Variants in CAMK1D observed in about 807,000 individuals in gnomAD.
The protein encoded by CAMK1D is calcium/calmodulin-dependent protein kinase type 1D.
In CAMK1D, 9 loss-of-function variants were observed where a neutral mutation model predicts 47.7. That is an observed-to-expected ratio of 0.19 (90% CI 0.11 to 0.33). The LOEUF (loss-of-function observed/expected upper bound fraction) is 0.33. Ranked by LOEUF, CAMK1D falls within the 10% of genes least tolerant of loss-of-function variation. The probability of loss-of-function intolerance (pLI) is 1.00; values close to 1 mark genes in which losing one functional copy is unlikely to be tolerated. For missense variants in CAMK1D, 291 were observed against 488.7 expected, an observed-to-expected ratio of 0.60 and a Z score of 3.81; for synonymous variants, 184 against 184.9, an observed-to-expected ratio of 0.99 and a Z score of 0.04.
At chr10:12,365,927 A>G (rs1230880758) in intron 1 of CAMK1D, among the ~76,000 whole-genome samples, 2 of 152,148 alleles carry the variant, frequency 1.3e-5, no homozygotes, top group Admixed American at 6.5e-5. Flanking sequence ...GTGGTGGCAC[A>G]TGCCTGTAAT....
At chr10:12,418,812 T>C (rs1027524045) in intron 1 of CAMK1D, among the ~76,000 whole-genome samples, 12 of 152,206 alleles carry the variant, frequency 7.9e-5, no homozygotes, top group African/African-American at 2.9e-4. Context: ...TTGCTGGGTG[T>C]GTCTGGGAGT....
intron 3 of CAMK1D, among the ~76,000 whole-genome samples, chr10:12,689,009 A>G (rs1832767781): frequency 6.6e-6 from 1 of 152,222 alleles, no homozygotes; most frequent in South Asian, 2.1e-4. Context: ...TGAGAAGGTG[A>G]TTCAGGCTTC....
chr10:12,411,832 G>C (rs1839668342), intron 1 of CAMK1D, among the ~76,000 whole-genome samples: 1 of 150,762 alleles, frequency 6.6e-6, no homozygotes, highest in African/African-American at 2.4e-5. Context: ...GACCTCAGGT[G>C]ATCCGCCCGC....
intron 10 of CAMK1D, chr10:12,826,034 G>A (rs932460051): frequency 8.0e-6 from 2 of 248,910 alleles, no homozygotes; most frequent in Non-Finnish European, 1.6e-5. Flanking sequence ...CTACTTGGGA[G>A]GCTGAGGCAG....
chr10:12,653,754 T>C (rs565884750), intron 2 of CAMK1D, among the ~76,000 whole-genome samples: 12 of 152,372 alleles, frequency 7.9e-5, no homozygotes, highest in Admixed American at 7.2e-4. Context: ...CATCTTTTTC[T>C]TTTACAATTG....
At chr10:12,489,600 C>T (rs924184358) in intron 1 of CAMK1D, among the ~76,000 whole-genome samples, 4 of 152,136 alleles carry the variant, frequency 2.6e-5, no homozygotes, top group South Asian at 2.1e-4. Context: ...GATGGAGCTT[C>T]GCTCGTTTTC....
intron 1 of CAMK1D, among the ~76,000 whole-genome samples, chr10:12,468,357 C>T (rs1486928231): frequency 6.6e-6 from 1 of 152,210 alleles, no homozygotes; most frequent in Non-Finnish European, 1.5e-5. Flanking sequence ...CCACTGAGCC[C>T]GGCCTCAAAT....
At chr10:12,630,636 C>G (rs1839353308) in intron 2 of CAMK1D, among the ~76,000 whole-genome samples, 1 of 151,888 alleles carries the variant, frequency 6.6e-6, no homozygotes, top group Non-Finnish European at 1.5e-5. Context: ...CCTGGCTGTT[C>G]TTGGATTCCT....
intron 1 of CAMK1D, among the ~76,000 whole-genome samples, chr10:12,471,550 G>C (rs1178883937): frequency 6.6e-6 from 1 of 152,170 alleles, no homozygotes; most frequent in Non-Finnish European, 1.5e-5. Context: ...AGGTTGACAG[G>C]GTATTGGCCA....
At chr10:12,371,906 A>G (rs908327326) in intron 1 of CAMK1D, among the ~76,000 whole-genome samples, 1 of 151,948 alleles carries the variant, frequency 6.6e-6, no homozygotes, top group Non-Finnish European at 1.5e-5. Flanking sequence ...ACCTCAGGTG[A>G]TCTGCCAGCC....
At chr10:12,724,320 T>C (rs1834523195) in intron 3 of CAMK1D, among the ~76,000 whole-genome samples, 1 of 152,194 alleles carries the variant, frequency 6.6e-6, no homozygotes. Flanking sequence ...CCTTCTGTTT[T>C]AACAAAGTGA....
At chr10:12,401,118 A>T (rs1425824351) in intron 1 of CAMK1D, among the ~76,000 whole-genome samples, 12 of 74,618 alleles carry the variant, frequency 1.6e-4, no homozygotes, top group Middle Eastern at 5.6e-3. Flanking sequence ...TTATATATAT[A>T]ATATATGTAT....
At position 12,644,036 on chromosome 10, in the gene CAMK1D, G is replaced by A. The variant is rs1313120216; in HGVS notation, c.225-22700G>A. On this transcript the variant is annotated intron_variant, in intron 2 of 10. Transcript: ENST00000619168. ...GAATTATTTCATTATACATTACAAT[G>A]TAACAATCATAGAAATAAAGTGCAC... Among the ~76,000 whole-genome samples the A allele has an allele frequency of 2.6e-5, 4 of 152,118 alleles. No homozygotes were observed. In the East Asian group the frequency reaches 7.7e-4, roughly 29 times the overall value.
At chr10:12,355,548 T>C (rs915728468) in intron 1 of CAMK1D, among the ~76,000 whole-genome samples, 4 of 152,106 alleles carry the variant, frequency 2.6e-5, no homozygotes, top group African/African-American at 9.7e-5. Flanking sequence ...TTTGTATATT[T>C]GACTGGTGAA....
intron 2 of CAMK1D, among the ~76,000 whole-genome samples, chr10:12,630,160 A>C (rs1243583980): frequency 6.6e-6 from 1 of 152,082 alleles, no homozygotes; most frequent in Admixed American, 6.5e-5. Context: ...CTTCACCCTG[A>C]TATTCGAAGC....
intron 1 of CAMK1D, among the ~76,000 whole-genome samples, chr10:12,438,539 A>C (rs1301823944): frequency 1.3e-5 from 2 of 152,198 alleles, no homozygotes; most frequent in African/African-American, 4.8e-5. Flanking sequence ...TTCTTTAAAA[A>C]AATTTTTTTG....
At chr10:12,536,073 G>C (rs142466961) in intron 1 of CAMK1D, among the ~76,000 whole-genome samples, 13 of 152,034 alleles carry the variant, frequency 8.6e-5, no homozygotes, top group East Asian at 1.9e-4. Context: ...TTTCCTGAAG[G>C]CACCTTTATC....
At chr10:12,543,451 T>C (rs1035436976) in intron 1 of CAMK1D, among the ~76,000 whole-genome samples, 1 of 152,204 alleles carries the variant, frequency 6.6e-6, no homozygotes, top group Non-Finnish European at 1.5e-5. Flanking sequence ...TTCCATTTTT[T>C]ATAATAATAA....
chr10:12,698,673 A>ATTTTTTTTTTTTTTT (rs573723767), intron 3 of CAMK1D, among the ~76,000 whole-genome samples: 14 of 103,924 alleles, frequency 1.3e-4, no homozygotes, highest in African/African-American at 4.2e-4. Flanking sequence ...CCTTTAAAGA[A>ATTTTTTTTTTTTTTT]TTTTTTTTTT....
Sources: gnomAD v4.1 joint callset for allele counts (sites outside exome capture counted in the v4.1 genomes callset) on GRCh38, gnomAD v4.1.1 for gene constraint, MANE v1.5 for transcripts, NCBI Gene and HGNC (gene_info 2026-07-23, HGNC 2026-07-21) for gene names.